Variants in SCMH1 observed in about 807,000 individuals in gnomAD.
SCMH1 encodes the protein polycomb protein SCMH1.
SCMH1 carries 37 observed loss-of-function variants against 70.8 expected under a neutral mutation model. The ratio of observed to expected loss-of-function variants is 0.52; its 90% confidence interval spans 0.40 to 0.69. The LOEUF is 0.69. Among genes scored for constraint, SCMH1 ranks in the 30% least tolerant of loss-of-function variants. SCMH1 has a pLI of 0.00. For missense variants in SCMH1, 607 were observed against 827.3 expected, an observed-to-expected ratio of 0.73 and a Z score of 3.27; for synonymous variants, 292 against 307.4, an observed-to-expected ratio of 0.95 and a Z score of 0.52.
chr1:41,040,116 T>G (rs976933162), intron 12 of SCMH1, among the ~76,000 whole-genome samples: 5 of 152,184 alleles, frequency 3.3e-5, no homozygotes, highest in Admixed American at 6.5e-5. Context: ...GGAAAAATGC[T>G]TAAACTTCCT....
At chr1:41,226,320 C>T (rs1202258819) in intron 1 of SCMH1, among the ~76,000 whole-genome samples, 1 of 151,982 alleles carries the variant, frequency 6.6e-6, no homozygotes, top group Non-Finnish European at 1.5e-5. Context: ...CTAGAATTTC[C>T]ACAAATGATG....
At chr1:41,196,471 T>C (rs1653044672) in intron 1 of SCMH1, among the ~76,000 whole-genome samples, 1 of 152,152 alleles carries the variant, frequency 6.6e-6, no homozygotes, top group Admixed American at 6.5e-5. Context: ...CAAACAGGTC[T>C]GGGAAAACTG....
At chr1:41,062,640 G>A (rs1031641281) in intron 10 of SCMH1, among the ~76,000 whole-genome samples, 6 of 151,872 alleles carry the variant, frequency 4.0e-5, no homozygotes, top group Admixed American at 3.3e-4. Context: ...TCAGGAGGCT[G>A]AGGAAGGAGA....
intron 13 of SCMH1, 139 bp from the exon 15 acceptor site, chr1:41,028,865 C>G: frequency 2.2e-6 from 2 of 904,142 alleles, no homozygotes; most frequent in African/African-American, 1.7e-5. Flanking sequence ...CTGGAGATAG[C>G]TGGGGGAGGG....
At chr1:41,141,693 CAAAT>C (rs951349030) in intron 6 of SCMH1, among the ~76,000 whole-genome samples, 5 of 151,928 alleles carry the variant, frequency 3.3e-5, no homozygotes, top group African/African-American at 4.8e-5. Context: ...GGTTTTTAAA[CAAAT>C]AAACTGCAAG....
intron 6 of SCMH1, among the ~76,000 whole-genome samples, chr1:41,130,591 T>C (rs1250407377): frequency 6.6e-6 from 1 of 152,180 alleles, no homozygotes; most frequent in Non-Finnish European, 1.5e-5. Context: ...GTCATTTTTC[T>C]AGCATTACTG....
At chr1:41,116,006 A>T (rs926998303) in intron 7 of SCMH1, among the ~76,000 whole-genome samples, 2 of 152,020 alleles carry the variant, frequency 1.3e-5, no homozygotes, top group African/African-American at 2.4e-5. Flanking sequence ...CTTATTGTCT[A>T]TGTTTCTATT....
At chr1:41,050,012 C>T (rs140487314) in intron 10 of SCMH1, among the ~76,000 whole-genome samples, 1,695 of 151,642 alleles carry the variant, frequency 0.011, 15 homozygotes, top group Non-Finnish European at 0.017. Context: ...GCTGTAATCG[C>T]GCCACTGCAC....
At chr1:41,191,221 T>C (rs374958243) in intron 1 of SCMH1, among the ~76,000 whole-genome samples, 1 of 152,238 alleles carries the variant, frequency 6.6e-6, no homozygotes, top group Non-Finnish European at 1.5e-5. Flanking sequence ...AAGGCCCAGC[T>C]CAATTATTTC....
chr1:41,130,669 A>G (rs1238604705), intron 6 of SCMH1, among the ~76,000 whole-genome samples: 1 of 152,232 alleles, frequency 6.6e-6, no homozygotes, highest in African/African-American at 2.4e-5. Flanking sequence ...TCTTTTAAGT[A>G]TATAGTTCAA....
intron 13 of SCMH1, among the ~76,000 whole-genome samples, chr1:41,033,056 C>T (rs1031979735): frequency 6.6e-6 from 1 of 151,172 alleles, no homozygotes; most frequent in African/African-American, 2.4e-5. Flanking sequence ...CTCTGGGAGG[C>T]TGAGGCAGGC....
At chr1:41,105,494 C>T (rs1667669317) in intron 8 of SCMH1, among the ~76,000 whole-genome samples, 1 of 152,150 alleles carries the variant, frequency 6.6e-6, no homozygotes, top group Non-Finnish European at 1.5e-5. Context: ...TTAACATGGA[C>T]TCCAGGTAGA....
At chr1:41,147,259 T>G (rs1216120645) in intron 5 of SCMH1, among the ~76,000 whole-genome samples, 1 of 152,218 alleles carries the variant, frequency 6.6e-6, no homozygotes, top group African/African-American at 2.4e-5. Context: ...TTTCTTTTTC[T>G]GGCCCATTTG....
chr1:41,203,664 C>A (rs1255385482), intron 1 of SCMH1, among the ~76,000 whole-genome samples: 1 of 152,202 alleles, frequency 6.6e-6, no homozygotes, highest in African/African-American at 2.4e-5. Flanking sequence ...GAACACCTGG[C>A]CCACCCAGGG....
intron 8 of SCMH1, among the ~76,000 whole-genome samples, chr1:41,077,974 T>G (rs1043572072): frequency 6.6e-6 from 1 of 152,016 alleles, no homozygotes; most frequent in African/African-American, 2.4e-5. Flanking sequence ...AACAAACAGA[T>G]TTTTTAAAAA....
chr1:41,161,219 GACCAAT>G (rs1477310285), intron 3 of SCMH1, 139 bp downstream of exon 3: 1 of 1,294,378 alleles, frequency 7.7e-7, no homozygotes, highest in East Asian at 2.5e-5. Flanking sequence ...TATTGCTTAT[GACCAAT>G]ACCTCTGTAA....
rs755215679 is a variant in SCMH1 at position 41,037,541 on chromosome 1, C to A, written c.1499G>T (p.Gly500Val). 2.5e-6 allele frequency: 4 copies of A among 1,613,412 alleles called. No individual in the cohort carries two copies. In the South Asian group the frequency reaches 3.3e-5, roughly 13 times the overall value. Residue 500 changes from glycine to valine, a missense_variant and splice_region_variant, in exon 13 of 15, where the codon GGT becomes GTT. Physicochemically the swap from Gly to Val is moderately radical, Grantham distance 109. This residue lies in a region of SCMH1 where 430 missense variants were observed against 528.2 expected (regional missense o/e 0.81). Coordinates refer to ENST00000337495, the Ensembl canonical transcript of SCMH1. ...ACTATTCCCCAGGACAAAGGTTTCA[C>A]CTGAAAAACAGTAAAACCAGAGTTA...
intron 9 of SCMH1, among the ~76,000 whole-genome samples, chr1:41,072,985 A>T (rs1250476770): frequency 6.6e-6 from 1 of 152,226 alleles, no homozygotes; most frequent in Non-Finnish European, 1.5e-5. Flanking sequence ...AAATGCTAGG[A>T]CATAAAACAC....
At chr1:41,180,061 T>C (rs1276213417) in intron 2 of SCMH1, among the ~76,000 whole-genome samples, 4 of 152,302 alleles carry the variant, frequency 2.6e-5, no homozygotes, top group East Asian at 1.9e-4. Flanking sequence ...TGGTTCAACA[T>C]ATGCAAATCA....
Sources: allele counts gnomAD v4.1 joint callset (sites outside exome capture counted in the v4.1 genomes callset), GRCh38; gene constraint gnomAD v4.1.1; regional missense constraint gnomAD v4.1.1; transcripts MANE v1.5; gene names NCBI Gene and HGNC (gene_info 2026-07-23, HGNC 2026-07-21).